SEC14L3: variants seen among roughly 807,000 people sequenced by gnomAD.
The protein encoded by SEC14L3 is SEC14 like lipid binding 3, also known as SEC14-like protein 3.
Under a neutral mutation model 57.4 loss-of-function variants are expected in SEC14L3, and 56 were observed. The ratio of observed to expected loss-of-function variants is 0.97; its 90% CI spans 0.79 to 1.22. The LOEUF is 1.22. Among genes scored for constraint, SEC14L3 ranks in the 50% most tolerant of loss-of-function variants. The pLI, the probability that SEC14L3 is intolerant of heterozygous loss-of-function variation, is 0.00. For missense variants in SEC14L3, 485 were observed against 511.7 expected (o/e 0.95, Z 0.50); for synonymous variants, 173 against 194.4 (o/e 0.89, Z 0.92).
At chr22:30,455,072 A>T (rs1443665572), downstream of SEC14L3, among the ~76,000 whole-genome samples, 1 of 81,940 alleles carries the variant, frequency 1.2e-5, no homozygotes, top group Non-Finnish European at 2.0e-5. Context: ...TATATAATAT[A>T]TAATATATTA....
chr22:30,463,922 T>G (rs1158636243), intron 8 of SEC14L3, among the ~76,000 whole-genome samples: 5 of 152,246 alleles, frequency 3.3e-5, no homozygotes, highest in Non-Finnish European at 7.3e-5. Flanking sequence ...TTGTTGTTTT[T>G]CCTTGTAGAA....
At position 30,466,304 on chromosome 22, in the gene SEC14L3, C is replaced by T. The variant is rs141693381; in HGVS notation, c.580+30G>A. The stretch of plus-strand genomic sequence containing the variant: ...CAGCGTACAGATGAGGAAACAGAGG[C>T]ACAAGTAAGTGAAGTCATTTGTCAC... On this transcript the variant is annotated intron_variant, in intron 7 of 11. Coordinates refer to ENST00000215812, the MANE Select transcript of SEC14L3 (RefSeq NM_174975.5). 14 of 1,599,898 alleles carry T rather than the reference C, an allele frequency of 8.8e-6. No homozygotes were observed. The East Asian group carries it at 3.1e-4, about 36-fold the overall frequency.
At chr22:30,467,140 C>T in intron 5 of SEC14L3, 63 bp from the exon 6 acceptor site, 1 of 1,606,106 alleles carries the variant, frequency 6.2e-7, no homozygotes, top group Non-Finnish European at 8.5e-7. Flanking sequence ...AGATGGTAAT[C>T]CAAGTACATG....
chr22:30,470,964 G>A (rs1353724846), intron 1 of SEC14L3, among the ~76,000 whole-genome samples: 3 of 152,098 alleles, frequency 2.0e-5, no homozygotes, highest in Non-Finnish European at 4.4e-5. Context: ...TGGCTGCGTG[G>A]GTAGGAAGAG....
Position 30,467,909 on chromosome 22 carries a change from T to C in SEC14L3, c.423+599A>G, listed in dbSNP as rs181752862. ...ATCCCTGTTTTATAGGTGAAGGAGC[T>C]GAGGCTCAGACAGGTGAAATGACAT... On this transcript the variant is annotated intron_variant, in intron 5 of 11. Transcript: ENST00000215812. Among the ~76,000 whole-genome samples the C allele has an allele frequency of 2.3e-3, 347 of 152,306 alleles. 3 individuals carry two copies. Among genetic ancestry groups the C allele is most frequent in the African/African-American group, 8.0e-3 (334 of 41,554 alleles).
At chr22:30,450,123 T>C (rs1417176922) in intron 12 of SEC14L3, among the ~76,000 whole-genome samples, 3 of 152,080 alleles carry the variant, frequency 2.0e-5, no homozygotes. Flanking sequence ...AGGCCCTCAG[T>C]TGATGGGAAA....
chr22:30,460,095 CCTT>C lies in SEC14L3; in HGVS notation c.1126_1128del (p.Lys376del). The C allele has an allele frequency of 3.7e-6, 6 of 1,614,148 alleles. No homozygotes were observed. Among genetic ancestry groups the C allele is most frequent in the South Asian group, 2.2e-5 (2 of 91,072 alleles). On this transcript the variant is annotated inframe_deletion, in exon 12 of 12. Coordinates refer to ENST00000215812, the MANE Select transcript of SEC14L3 (RefSeq NM_174975.5). ...AGCAGGACCTCCACTGTGAAGCTGA[CCTT>C]CTTGGCGTGGACAAAGCTATAGGTG...
At chr22:30,466,904 C>T in intron 6 of SEC14L3, 78 bp downstream of exon 6, 1 of 1,394,254 alleles carries the variant, frequency 7.2e-7, no homozygotes. Flanking sequence ...AATCTTGGCT[C>T]TCAGTAAGCA....
Position 30,467,011 on chromosome 22 carries a change from A to C in SEC14L3, c.490T>G (p.Trp164Gly). The C allele has an allele frequency of 1.2e-6, 2 of 1,614,066 alleles. No individual in the cohort carries two copies. The highest frequency in any genetic ancestry group is 1.1e-5 in the South Asian group (1 of 91,066). The part of the protein sequence containing the change: ...DCEGLGLKHF[W>G]KPLVEVYQEF... ...TGGTACACTTCTACCAGAGGTTTCC[A>C]GAAGTGTTTCAGTCCCAGGCCCTCA... The change falls in exon 6 of 12, where the codon TGG becomes GGG. Residue 164 changes from tryptophan to glycine, a missense_variant. Physicochemically the swap from Trp to Gly is radical, Grantham distance 184 (BLOSUM62 -2). Transcript: ENST00000215812.
chr22:30,463,704 G>T (rs754795369), intron 8 of SEC14L3, among the ~76,000 whole-genome samples: 11 of 152,136 alleles, frequency 7.2e-5, no homozygotes, highest in Admixed American at 3.3e-4. Flanking sequence ...TATCCTGCTT[G>T]GGAGAAGTTT....
At chr22:30,453,393 C>T (rs1171847026) in intron 12 of SEC14L3, among the ~76,000 whole-genome samples, 1 of 152,148 alleles carries the variant, frequency 6.6e-6, no homozygotes, top group Non-Finnish European at 1.5e-5. Context: ...TAGGTGACAC[C>T]TCATTGCCAC....
At chr22:30,454,733 T>TA (rs1356133546), downstream of SEC14L3, among the ~76,000 whole-genome samples, 1 of 73,192 alleles carries the variant, frequency 1.4e-5, no homozygotes, top group Non-Finnish European at 2.3e-5. Flanking sequence ...TAATCTATAA[T>TA]ATATAATAAT....
At position 30,462,128 on chromosome 22, in the gene SEC14L3, G is replaced by A. The variant is rs1157818397; in HGVS notation, c.729C>T (p.Gly243=). The change falls in exon 9 of 12, where the codon GGC becomes GGT. Residue 243 remains glycine (G), a synonymous_variant. Transcript: ENST00000215812. ...GGTTCCCATCTGGGTCAGTCAGGGT[G>A]CCCCCAAACTGGGCAGGCAGTTCCT... The part of the protein sequence containing the change: ...SPEELPAQFG[G]TLTDPDGNPK... 6.2e-7 allele frequency: 1 copy of A among 1,614,134 alleles called. No individual in the cohort carries two copies. The highest frequency in any genetic ancestry group is 8.5e-7 in the Non-Finnish European group (1 of 1,180,002).
At chr22:30,451,860 C>T (rs1033948344) in intron 12 of SEC14L3, among the ~76,000 whole-genome samples, 3 of 151,608 alleles carry the variant, frequency 2.0e-5, no homozygotes, top group Non-Finnish European at 2.9e-5. Context: ...CATGGTGGGA[C>T]GTGCACCTGT....
chr22:30,461,460 C>T lies in SEC14L3; in HGVS notation c.931G>A (p.Gly311Ser), dbSNP rs546516611. ...AAAACTCCGAAGCCGATGTCCGCAC[C>T]ATCAGATGAGAACTGCCACCTGTCA... ...CVLRWQFSSD[G>S]ADIGFGVFLK... Residue 311 changes from glycine (G) to serine (S), a missense_variant, in exon 11 of 12, where the codon GGT (glycine) becomes AGT (serine). Physicochemically the swap from Gly to Ser is moderately conservative, Grantham distance 56 (BLOSUM62 0). Transcript: ENST00000215812. 10 of 1,613,674 alleles carry T rather than the reference C, an allele frequency of 6.2e-6. No individual in the cohort carries two copies. The highest frequency in any genetic ancestry group is 1.7e-5 in the Admixed American group (1 of 59,988).
chr22:30,465,524 A>T (rs1314052953), intron 7 of SEC14L3, among the ~76,000 whole-genome samples: 1 of 151,786 alleles, frequency 6.6e-6, no homozygotes, highest in Non-Finnish European at 1.5e-5. Flanking sequence ...ATAACCAGCC[A>T]GCCAACCATC....
rs758341137 is a variant in SEC14L3, at chr22:30,460,105, G to A, written c.1119C>T (p.His373=). 109 of 1,614,052 alleles carry A rather than the reference G, an allele frequency of 6.8e-5. No individual in the cohort carries two copies. The highest frequency in any genetic ancestry group is 8.4e-5 in the Non-Finnish European group (99 of 1,180,044). Residue 373 remains histidine, a synonymous_variant, in exon 12 of 12, where the codon CAC becomes CAT. Coordinates refer to ENST00000215812, the MANE Select transcript of SEC14L3 (RefSeq NM_174975.5). ...CCACTGTGAAGCTGACCTTCTTGGC[G>A]TGGACAAAGCTATAGGTGTTGTCGA... ...LRFDNTYSFV[H]AKKVSFTVEV...
chr22:30,463,380 T>C (rs1935327005), intron 8 of SEC14L3, among the ~76,000 whole-genome samples: 1 of 152,188 alleles, frequency 6.6e-6, no homozygotes, highest in Non-Finnish European at 1.5e-5. Context: ...GGGAGGTTCC[T>C]TCTCTACAGT....
In SEC14L3 at chr22:30,470,410, T is replaced by C. The variant is rs571084456; in HGVS notation, c.130+97A>G. 1.4e-5 allele frequency: 22 copies of C among 1,603,246 alleles called. No individual in the cohort carries two copies. The East Asian group carries it at 4.9e-4, about 36-fold the overall frequency. ...CCTGAACATGTGAAGCAAGATTGTG[T>C]GGATGGACCCTGAGAGCCATGAGAC... On this transcript the variant is annotated intron_variant, in intron 2 of 11. Transcript: ENST00000215812.
Sources: gnomAD v4.1 joint callset for allele counts (sites outside exome capture counted in the v4.1 genomes callset) on GRCh38, gnomAD v4.1.1 for gene constraint, MANE v1.5 for transcripts, NCBI Gene and HGNC (gene_info 2026-07-23, HGNC 2026-07-21) for gene names.